The following TNPO1 variants were observed in gnomAD, a reference collection of about 807,000 sequenced individuals.
The protein encoded by TNPO1 is transportin 1.
Under a neutral mutation model 119.5 loss-of-function variants are expected in TNPO1, and 8 were observed. That is an observed-to-expected ratio of 0.07 (90% CI 0.04 to 0.12). TNPO1 has a LOEUF of 0.12. Among genes scored for constraint, TNPO1 ranks in the 10% least tolerant of loss-of-function variants. TNPO1 has a pLI of 1.00. For missense variants in TNPO1, 576 were observed against 1,089.8 expected (o/e 0.53, Z 6.64); for synonymous variants, 362 against 363.0 (o/e 1.00, Z 0.03).
intron 12 of TNPO1, 149 bp from the exon 13 acceptor site, chr5:72,887,929 T>A: frequency 1.3e-6 from 1 of 743,056 alleles, no homozygotes; most frequent in Non-Finnish European, 2.1e-6. Context: ...TTCAGGGTTT[T>A]AAAAATAATT....
rs772211602 is a variant in TNPO1 at position 72,875,670 on chromosome 5, G to A, written c.734G>A (p.Arg245Gln). 1.2e-6 allele frequency: 2 copies of A among 1,613,246 alleles called. No homozygotes were observed. The highest frequency in any genetic ancestry group is 1.3e-5 in the African/African-American group (1 of 74,980). ...CCAGAGGTACGGAAAAATGTGTGCC[G>A]AGCACTTGTGATGTTGCTCGAAGTT... ...EEPEVRKNVC[R>Q]ALVMLLEVRM... Residue 245 changes from arginine to glutamine, a missense_variant, in exon 8 of 25, where the codon CGA (arginine) becomes CAA (glutamine). Physicochemically the swap from Arg to Gln is conservative, Grantham distance 43. Coordinates refer to ENST00000337273, the MANE Select transcript of TNPO1 (RefSeq NM_002270.4).
chr5:72,893,765 GT>G, intron 18 of TNPO1, 62 bp downstream of exon 18: 1 of 1,440,562 alleles, frequency 6.9e-7, no homozygotes. Context: ...CATCAGCTTT[GT>G]TTTTTTATTA....
rs1750360766 is a variant in TNPO1 at position 72,908,868 on chromosome 5, G to A, written c.*195G>A. 2 of 453,680 alleles carry A rather than the reference G, an allele frequency of 4.4e-6. No individual in the cohort carries two copies. Among genetic ancestry groups the A allele is most frequent in the Non-Finnish European group, 8.9e-6 (2 of 225,624 alleles). The allele number at this position is 453,680 out of a possible 1,614,324, so 28.1% of individuals were successfully genotyped here. On this transcript the variant is annotated 3_prime_UTR_variant, in exon 25 of 25. Transcript: ENST00000337273. Reference sequence around the variant, plus strand: ...GCCGTCACTGTATTAAGTCGATGTTGGGAAACGTTTTAACATCTGGAGCCT... The same window carrying A: ...GCCGTCACTGTATTAAGTCGATGTTAGGAAACGTTTTAACATCTGGAGCCT...
At chr5:72,854,861 T>G (rs1177566235) in intron 3 of TNPO1, among the ~76,000 whole-genome samples, 1 of 152,154 alleles carries the variant, frequency 6.6e-6, no homozygotes, top group Admixed American at 6.5e-5. Flanking sequence ...GCTTTTAAGT[T>G]CAGAGGCAAA....
chr5:72,837,044 C>G (rs1372639593), intron 1 of TNPO1, among the ~76,000 whole-genome samples: 1 of 152,198 alleles, frequency 6.6e-6, no homozygotes, highest in African/African-American at 2.4e-5. Context: ...CTTCTGAGCC[C>G]TTACCAGAAT....
chr5:72,865,506 A>T, intron 5 of TNPO1, 90 bp from the exon 6 acceptor site: 1 of 1,376,286 alleles, frequency 7.3e-7, no homozygotes, highest in Non-Finnish European at 1.0e-6. Flanking sequence ...TGAGAACATT[A>T]GTCCATACAA....
At chr5:72,855,609 T>C (rs1300347045) in intron 3 of TNPO1, among the ~76,000 whole-genome samples, 165 bp from the exon 4 acceptor site, 1 of 152,184 alleles carries the variant, frequency 6.6e-6, no homozygotes, top group Non-Finnish European at 1.5e-5. Flanking sequence ...CCCTGAGCTA[T>C]AAATGATAGA....
rs896015994 is a variant in TNPO1 at position 72,861,072 on chromosome 5, C to T, written c.356-736C>T. On this transcript the variant is annotated intron_variant, in intron 4 of 24. Transcript: ENST00000337273. ...AGATTACAGGCATGCACCACATGCC[C>T]GGCTAGTTATGTATTTTTAGTAGAG... Among the ~76,000 whole-genome samples the T allele has an allele frequency of 5.3e-5, 8 of 151,948 alleles. No homozygotes were observed. The East Asian group carries it at 1.4e-3, about 26-fold the overall frequency.
At chr5:72,896,388 G>T in intron 18 of TNPO1, 70 bp from the exon 19 acceptor site, 1 of 985,344 alleles carries the variant, frequency 1.0e-6, no homozygotes, top group Non-Finnish European at 1.5e-6. Flanking sequence ...TTTCCACCTA[G>T]TAGATTTCCT....
chr5:72,893,586 T>A lies in TNPO1; in HGVS notation c.2056-30T>A, dbSNP rs1749216422. ...TTGAAGCCTGTTTCTCTGTGTCACATTGGGGTTAATTTCTTCTTATTTCTT... is the reference window on the plus strand; with the variant it reads ...TTGAAGCCTGTTTCTCTGTGTCACAATGGGGTTAATTTCTTCTTATTTCTT... On this transcript the variant is annotated intron_variant, in intron 17 of 24. Transcript: ENST00000337273. The A allele has an allele frequency of 2.5e-6, 4 of 1,614,210 alleles. No individual in the cohort carries two copies. In the East Asian group the frequency reaches 8.9e-5, roughly 36 times the overall value.
At chr5:72,865,750 A>G (rs200715009) in intron 6 of TNPO1, 21 bp downstream of exon 6, 2 of 1,604,166 alleles carry the variant, frequency 1.2e-6, no homozygotes, top group African/African-American at 1.3e-5. Context: ...TGCCAGTACT[A>G]ATTGATTAAC....
At chr5:72,839,873 G>A (rs927017663) in intron 1 of TNPO1, among the ~76,000 whole-genome samples, 1 of 152,144 alleles carries the variant, frequency 6.6e-6, no homozygotes, top group Non-Finnish European at 1.5e-5. Context: ...GAGACCAACC[G>A]TTAAATCTGT....
intron 4 of TNPO1, among the ~76,000 whole-genome samples, chr5:72,860,801 C>T (rs1746381612): frequency 6.6e-6 from 1 of 152,140 alleles, no homozygotes; most frequent in Admixed American, 6.5e-5. Context: ...TTTTTAGCTT[C>T]TTAATGTGTC....
chr5:72,851,177 G>T, intron 2 of TNPO1, 67 bp from the exon 3 acceptor site: 1 of 984,002 alleles, frequency 1.0e-6, no homozygotes, highest in Non-Finnish European at 1.6e-6. Context: ...TTGATTTTTA[G>T]ATTTAAAATG....
In TNPO1 at chr5:72,882,356, A is replaced by G. The variant is rs187608696; in HGVS notation, c.921-111A>G. On this transcript the variant is annotated intron_variant, in intron 9 of 24. Transcript: ENST00000337273. ...ATATCACTGAATAAGTTCAAAGACA[A>G]TATTACCATTGATTATCTCATTGGT... is the stretch of plus-strand genomic sequence containing the variant. The G allele has an allele frequency of 2.1e-4, 154 of 730,662 alleles. 2 individuals are homozygous for G. Among genetic ancestry groups the G allele is most frequent in the African/African-American group, 1.9e-3 (109 of 56,698 alleles). 45.3% of individuals were successfully genotyped at this position (730,662 alleles called of 1,614,324 possible). A position where few individuals can be genotyped will look rare whatever the true frequency, so the allele number is the denominator to read the frequency against.
chr5:72,856,902 A>T (rs1025699097), intron 4 of TNPO1, among the ~76,000 whole-genome samples: 2 of 152,232 alleles, frequency 1.3e-5, no homozygotes, highest in African/African-American at 4.8e-5. Context: ...AGAGGAGCGT[A>T]CTAATGGGCA....
chr5:72,892,317 T>G (rs967360344), intron 15 of TNPO1, among the ~76,000 whole-genome samples: 4 of 152,136 alleles, frequency 2.6e-5, no homozygotes, highest in Non-Finnish European at 5.9e-5. Context: ...TGCAAACTTT[T>G]ATATGATGTT....
chr5:72,879,961 G>A (rs951118097), intron 9 of TNPO1, among the ~76,000 whole-genome samples: 3 of 152,178 alleles, frequency 2.0e-5, no homozygotes, highest in Non-Finnish European at 2.9e-5. Flanking sequence ...CCTGAGGCAG[G>A]CAGATCGCTT....
chr5:72,878,420 T>G (rs546207451), intron 9 of TNPO1, among the ~76,000 whole-genome samples: 1 of 152,066 alleles, frequency 6.6e-6, no homozygotes, highest in East Asian at 1.9e-4. Flanking sequence ...GCCATGAATT[T>G]TAATTTCTCA....
Sources: gnomAD v4.1 joint callset for allele counts (sites outside exome capture counted in the v4.1 genomes callset) on GRCh38, gnomAD v4.1.1 for gene constraint, MANE v1.5 for transcripts, NCBI Gene and HGNC (gene_info 2026-07-23, HGNC 2026-07-21) for gene names.